Variants in DLGAP2 observed in about 807,000 individuals in gnomAD.
DLGAP2 encodes DLG associated protein 2, also known as disks large-associated protein 2.
A neutral mutation model predicts 100.3 loss-of-function variants in DLGAP2; 26 were observed. The ratio of observed to expected loss-of-function variants is 0.26; its 90% CI spans 0.19 to 0.36. The LOEUF (loss-of-function observed/expected upper bound fraction) is 0.36, where lower values mean the gene tolerates loss of function less well. Among genes scored for constraint, DLGAP2 ranks in the 10% least tolerant of loss-of-function variants. DLGAP2 has a pLI of 1.00. For synonymous variants in DLGAP2, 886 were observed against 630.1 expected, an observed-to-expected ratio of 1.41 and a Z score of -6.08; for missense variants, 1,858 against 1,453.2, an observed-to-expected ratio of 1.28 and a Z score of -4.53.
At chr8:1,121,458 C>A (rs935890391) in intron 2 of DLGAP2, among the ~76,000 whole-genome samples, 2 of 151,828 alleles carry the variant, frequency 1.3e-5, no homozygotes, top group African/African-American at 4.8e-5. Flanking sequence ...GAACACATGA[C>A]CTCCCATCCT....
At chr8:934,635 G>T (rs1018625121) in intron 2 of DLGAP2, among the ~76,000 whole-genome samples, 26 of 152,144 alleles carry the variant, frequency 1.7e-4, no homozygotes, top group Non-Finnish European at 2.9e-4. Context: ...GGTGGGGACG[G>T]TGGAGGCAGA....
Position 1,102,439 on chromosome 8 carries a change from C to T in DLGAP2, c.74-156412C>T, listed in dbSNP as rs145317952. ...TCGAGTCACTCAGTGATTGGCATGC[C>T]GTCCAAAAATCCATGGCGGAGAGAG... On this transcript the variant is annotated intron_variant, in intron 2 of 14. Coordinates refer to ENST00000637795, the MANE Select transcript of DLGAP2 (RefSeq NM_001346810.2). Among the ~76,000 whole-genome samples, 83 of 150,806 alleles carry T rather than the reference C, an allele frequency of 5.5e-4. No homozygotes were observed. The East Asian group carries it at 0.015, about 27-fold the overall frequency.
intron 2 of DLGAP2, among the ~76,000 whole-genome samples, chr8:1,061,904 A>G (rs890017764): frequency 3.3e-5 from 5 of 151,936 alleles, no homozygotes; most frequent in Non-Finnish European, 7.4e-5. Flanking sequence ...ACTCACTCTT[A>G]TAAAGACCCA....
intron 8 of DLGAP2, among the ~76,000 whole-genome samples, chr8:1,656,762 C>G (rs770136195): frequency 2.0e-5 from 3 of 152,198 alleles, no homozygotes; most frequent in Non-Finnish European, 4.4e-5. Context: ...CTCTCTCCAT[C>G]CTAAGTAGTG....
chr8:867,933 T>C (rs1404201735), intron 1 of DLGAP2, among the ~76,000 whole-genome samples: 2 of 152,238 alleles, frequency 1.3e-5, no homozygotes, highest in Admixed American at 6.5e-5. Flanking sequence ...TTTATACTCA[T>C]TATGAAAAGA....
intron 2 of DLGAP2, among the ~76,000 whole-genome samples, chr8:1,128,217 CCA>C: frequency 6.6e-6 from 1 of 151,394 alleles, no homozygotes; most frequent in African/African-American, 2.4e-5. Context: ...GACCTGCTCC[CCA>C]TGTTGTGTTC....
At chr8:1,114,232 T>G (rs1428253977) in intron 2 of DLGAP2, among the ~76,000 whole-genome samples, 1 of 151,966 alleles carries the variant, frequency 6.6e-6, no homozygotes, top group Non-Finnish European at 1.5e-5. Context: ...TGGGGAGGAG[T>G]CCCTCCTTTT....
rs141894529 is a variant in DLGAP2 at position 849,321 on chromosome 8, C to G, written c.19-58591C>G. On this transcript the variant is annotated intron_variant, in intron 1 of 14. Coordinates refer to ENST00000637795, the MANE Select transcript of DLGAP2 (RefSeq NM_001346810.2). ...ACGTGCCCATGTTCCAGTACAGGAACGAGCCGGTGTTTCTATGGATTCATT... is the reference window on the plus strand; with the variant it reads ...ACGTGCCCATGTTCCAGTACAGGAAGGAGCCGGTGTTTCTATGGATTCATT... 5.5e-3 allele frequency among the ~76,000 whole-genome samples: 839 copies of G among 152,288 alleles called. 8 individuals are homozygous for G. The highest frequency in any genetic ancestry group is 0.019 in the African/African-American group (791 of 41,550).
intron 2 of DLGAP2, among the ~76,000 whole-genome samples, chr8:1,074,921 C>A (rs1473074674): frequency 1.3e-5 from 2 of 152,100 alleles, no homozygotes; most frequent in African/African-American, 2.4e-5. Context: ...TCCTTGGTCA[C>A]CTTGCAGTTG....
At chr8:1,184,795 T>C (rs1054072711) in intron 2 of DLGAP2, among the ~76,000 whole-genome samples, 1 of 152,134 alleles carries the variant, frequency 6.6e-6, no homozygotes, top group African/African-American at 2.4e-5. Context: ...AATCTGGCCC[T>C]CTCCAGGCCT....
intron 3 of DLGAP2, among the ~76,000 whole-genome samples, chr8:1,361,615 G>T (rs185880190): frequency 1.3e-5 from 2 of 152,204 alleles, no homozygotes; most frequent in African/African-American, 4.8e-5. Flanking sequence ...TTAACTCACT[G>T]CATCGTTTAA....
At chr8:1,215,194 C>T (rs562584523) in intron 2 of DLGAP2, among the ~76,000 whole-genome samples, 3 of 152,198 alleles carry the variant, frequency 2.0e-5, no homozygotes, top group South Asian at 2.1e-4. Flanking sequence ...GAAAGGTAAA[C>T]GAAATCCCAA....
chr8:1,154,871 C>G (rs1441482328), intron 2 of DLGAP2, among the ~76,000 whole-genome samples: 1 of 152,190 alleles, frequency 6.6e-6, no homozygotes, highest in Non-Finnish European at 1.5e-5. Context: ...GCTCTTCCAC[C>G]CTCCAGTGTC....
At chr8:1,583,550 C>T (rs1208536856) in intron 6 of DLGAP2, among the ~76,000 whole-genome samples, 1 of 152,162 alleles carries the variant, frequency 6.6e-6, no homozygotes, top group Admixed American at 6.5e-5. Context: ...AGAAGCCTTT[C>T]AAAGAAATCA....
chr8:1,679,979 CAAAAAAAAAAAA>C (rs760100523), intron 12 of DLGAP2, among the ~76,000 whole-genome samples: 3 of 63,528 alleles, frequency 4.7e-5, no homozygotes, highest in African/African-American at 1.8e-4. Flanking sequence ...GACTCTGTCT[CAAAAAAAAAAAA>C]AAAAAAAAAA....
At position 979,801 on chromosome 8, in the gene DLGAP2, C is replaced by T. The variant is rs769708609; in HGVS notation, c.73+71835C>T. Among the ~76,000 whole-genome samples, 129 of 152,314 alleles carry T rather than the reference C, an allele frequency of 8.5e-4. 1 individual carries two copies. Among genetic ancestry groups the T allele is most frequent in the Admixed American group, 2.9e-3 (45 of 15,304 alleles). On this transcript the variant is annotated intron_variant, in intron 2 of 14. Transcript: ENST00000637795. ...ATATTTTGAGATGTAACAGTTTTGT[C>T]ACATGGCCTGCCTAAGTGAAAGAAG...
rs778489700 is a variant in DLGAP2 at position 1,678,411 on chromosome 8, A to G, written c.2486A>G (p.Tyr829Cys). 6 of 1,613,822 alleles carry G rather than the reference A, an allele frequency of 3.7e-6. No homozygotes were observed. Among genetic ancestry groups the G allele is most frequent in the South Asian group, 1.1e-5 (1 of 91,060 alleles). The part of the protein sequence containing the change: ...RTVRTQGLFS[Y>C]REDYRTQVDT... ...GTACGGACCCAGGGGCTCTTCAGCT[A>G]TAGAGAAGACTATCGGACCCAAGTG... The change falls in exon 12 of 15, where the codon TAT becomes TGT. Residue 829 changes from tyrosine (Y) to cysteine (C), a missense_variant. By Grantham distance (194) the Tyr-to-Cys change is radical (BLOSUM62 -2). Coordinates refer to ENST00000637795, the MANE Select transcript of DLGAP2 (RefSeq NM_001346810.2).
intron 2 of DLGAP2, among the ~76,000 whole-genome samples, chr8:1,008,328 A>C (rs747975483): frequency 9.9e-5 from 15 of 152,228 alleles, no homozygotes; most frequent in Non-Finnish European, 2.2e-4. Context: ...CTTCCTTTGC[A>C]CAACGAGTGT....
At chr8:1,042,026 G>A (rs936657868) in intron 2 of DLGAP2, among the ~76,000 whole-genome samples, 2 of 152,198 alleles carry the variant, frequency 1.3e-5, no homozygotes, top group Non-Finnish European at 2.9e-5. Flanking sequence ...AGATGGAGCC[G>A]TCGACCTGAT....
Sources: gnomAD v4.1 joint callset for allele counts (sites outside exome capture counted in the v4.1 genomes callset) on GRCh38, gnomAD v4.1.1 for gene constraint, MANE v1.5 for transcripts, NCBI Gene and HGNC (gene_info 2026-07-23, HGNC 2026-07-21) for gene names.